The following STS variants were observed in gnomAD, a reference collection of about 807,000 sequenced individuals.
The protein encoded by STS is steroid sulfatase, also known as steryl-sulfatase.
A neutral mutation model predicts 26.8 loss-of-function variants in STS; 7 were observed. The observed-to-expected ratio is 0.26, with a 90% CI of 0.15 to 0.49. STS has a LOEUF of 0.49. STS is among the 20% of genes least tolerant of loss of function. The probability of loss-of-function intolerance (pLI) is 0.98; values close to 1 mark genes in which losing one functional copy is unlikely to be tolerated. For synonymous variants in STS, 199 were observed against 189.4 expected (o/e 1.05, Z -0.42); for missense variants, 434 against 465.6 (o/e 0.93, Z 0.63).
intron 2 of STS, among the ~76,000 whole-genome samples, chrX:7,231,588 G>A (rs1922061680): frequency 9.0e-6 from 1 of 111,183 alleles, no homozygotes; most frequent in African/African-American, 3.3e-5. Context: ...TAGCCCTCCT[G>A]TGCAAATAAC....
chrX:7,276,960 A>C (rs1320734254), intron 7 of STS, among the ~76,000 whole-genome samples: 1 of 112,056 alleles, frequency 8.9e-6, no homozygotes, highest in African/African-American at 3.2e-5. Context: ...TGCAGAGCTC[A>C]GAGATCCCAG....
intron 1 of STS, among the ~76,000 whole-genome samples, chrX:7,162,238 A>G (rs1182581429): frequency 8.9e-6 from 1 of 111,875 alleles, no homozygotes; most frequent in Non-Finnish European, 1.9e-5. Context: ...CCAGTGCCCC[A>G]GGGACACAGG....
At position 7,352,748 on chromosome X, in the gene STS, G is replaced by A. The variant is rs1280414532; in HGVS notation, c.*2487G>A. The A allele has an allele frequency of 9.0e-6, 1 of 110,590 alleles. No homozygotes were observed. The highest frequency in any genetic ancestry group is 1.9e-5 in the Non-Finnish European group (1 of 52,978). 9.1% of individuals were successfully genotyped at this position (110,590 alleles called of 1,213,427 possible). The stretch of plus-strand genomic sequence containing the variant: ...CTTTTAAAAAATTCTTGTATTTCTA[G>A]CATTACTAGATATTAAAAGTTAAGC... On this transcript the variant is annotated 3_prime_UTR_variant, in exon 11 of 11. Coordinates refer to ENST00000674429, the MANE Select transcript of STS (RefSeq NM_001320752.2).
intron 8 of STS, among the ~76,000 whole-genome samples, chrX:7,310,939 G>A (rs1423774587): frequency 9.0e-6 from 1 of 111,527 alleles, no homozygotes; most frequent in Non-Finnish European, 1.9e-5. Flanking sequence ...TCAAATGCAA[G>A]CTAGCCCAAG....
intron 2 of STS, among the ~76,000 whole-genome samples, chrX:7,248,602 G>A (rs752958335): frequency 2.7e-5 from 3 of 111,782 alleles, no homozygotes; most frequent in South Asian, 7.4e-4. Flanking sequence ...GTCAGAGAAA[G>A]GATTGCGTTA....
At chrX:7,341,953 G>A (rs891741991) in intron 10 of STS, among the ~76,000 whole-genome samples, 2 of 109,799 alleles carry the variant, frequency 1.8e-5, no homozygotes, top group African/African-American at 3.3e-5. Flanking sequence ...CTGGGATTAC[G>A]GGCGCCCACC....
At chrX:7,254,577 C>CTTTTTTTTTTTTTTTTTTTTTTTTTTT (rs34965003) in intron 3 of STS, among the ~76,000 whole-genome samples, 1 of 73,072 alleles carries the variant, frequency 1.4e-5, no homozygotes. Context: ...TTTTCTTCTT[C>CTTTTTTTTTTTTTTTTTTTTTTTTTTT]TTTTTTTTTT....
Position 7,245,126 on chromosome X carries a change from G to A in STS, c.-4-8070G>A, listed in dbSNP as rs548981322. Among the ~76,000 whole-genome samples the A allele has an allele frequency of 8.4e-4, 93 of 111,302 alleles. No homozygotes were observed. The South Asian group carries it at 8.7e-3, about 10-fold the overall frequency. On this transcript the variant is annotated intron_variant, in intron 2 of 10. Transcript: ENST00000674429. Reference sequence around the variant, plus strand: ...AGGAGGTTATTAAACTCACTCTTTTGCAAATTCCTGGTATTAGTTATGGAT... The same window carrying A: ...AGGAGGTTATTAAACTCACTCTTTTACAAATTCCTGGTATTAGTTATGGAT...
At chrX:7,183,987 A>G (rs187411098) in intron 1 of STS, among the ~76,000 whole-genome samples, 2 of 106,173 alleles carry the variant, frequency 1.9e-5, no homozygotes, top group East Asian at 5.9e-4. Flanking sequence ...GGGCAACAAG[A>G]GTGAAACTCC....
chrX:7,323,960 T>G (rs1046248026), intron 8 of STS, among the ~76,000 whole-genome samples: 24 of 111,556 alleles, frequency 2.2e-4, no homozygotes, highest in African/African-American at 6.8e-4. Flanking sequence ...GAAAGAACCC[T>G]GTCTACAAAA....
chrX:7,271,739 T>C (rs1369904340), intron 6 of STS, among the ~76,000 whole-genome samples: 2 of 108,547 alleles, frequency 1.8e-5, no homozygotes, highest in East Asian at 5.7e-4. Flanking sequence ...TTTTTAACTT[T>C]CTTGGCTGTG....
intron 2 of STS, among the ~76,000 whole-genome samples, chrX:7,252,814 C>T (rs1923203204): frequency 9.0e-6 from 1 of 111,565 alleles, no homozygotes; most frequent in South Asian, 3.8e-4. Flanking sequence ...GCTGTTGACC[C>T]CATACACTTT....
chrX:7,351,163 A>G lies in STS; in HGVS notation c.*902A>G, dbSNP rs1301251510. 4 of 112,116 alleles carry G rather than the reference A, an allele frequency of 3.6e-5. No individual in the cohort carries two copies. The highest frequency in any genetic ancestry group is 7.5e-5 in the Non-Finnish European group (4 of 53,231). 9.2% of individuals were successfully genotyped at this position (112,116 alleles called of 1,213,427 possible). On this transcript the variant is annotated 3_prime_UTR_variant, in exon 11 of 11. Coordinates refer to ENST00000674429, the MANE Select transcript of STS (RefSeq NM_001320752.2). The stretch of plus-strand genomic sequence containing the variant: ...AATGGAAGTTCTGAATTAAAAGCCC[A>G]CTGTGGAGATGCTGTGGTTCATGGA...
At chrX:7,203,575 C>T in intron 2 of STS, among the ~76,000 whole-genome samples, 1 of 111,463 alleles carries the variant, frequency 9.0e-6, no homozygotes, top group Non-Finnish European at 1.9e-5. Context: ...TTAAATTGTA[C>T]TTTGTAAACT....
intron 9 of STS, among the ~76,000 whole-genome samples, chrX:7,330,255 C>A (rs929263570): frequency 8.9e-6 from 1 of 111,907 alleles, no homozygotes; most frequent in Non-Finnish European, 1.9e-5. Flanking sequence ...CATGAAAATT[C>A]TTTCTGTGGG....
At chrX:7,281,969 C>T (rs1170359218) in intron 7 of STS, among the ~76,000 whole-genome samples, 1 of 112,089 alleles carries the variant, frequency 8.9e-6, no homozygotes, top group Non-Finnish European at 1.9e-5. Context: ...GGGAAAACTT[C>T]CCCTTCACCC....
chrX:7,167,381 A>G (rs1933373175), intron 1 of STS, among the ~76,000 whole-genome samples: 1 of 109,576 alleles, frequency 9.1e-6, no homozygotes, highest in Non-Finnish European at 1.9e-5. Flanking sequence ...ACGCCCAGCT[A>G]ATTTTTGTAT....
chrX:7,285,045 T>C (rs762021067), intron 7 of STS, among the ~76,000 whole-genome samples: 98 of 110,686 alleles, frequency 8.9e-4, no homozygotes, highest in African/African-American at 3.1e-3. Flanking sequence ...GTGGTAATTA[T>C]GATGATAGTG....
intron 8 of STS, among the ~76,000 whole-genome samples, chrX:7,312,587 G>T (rs1161116057): frequency 9.0e-6 from 1 of 110,912 alleles, no homozygotes; most frequent in South Asian, 3.9e-4. Flanking sequence ...TCATGGGGGC[G>T]GGTCTTTCCT....
Sources: allele counts gnomAD v4.1 joint callset (sites outside exome capture counted in the v4.1 genomes callset), GRCh38; gene constraint gnomAD v4.1.1; transcripts MANE v1.5; gene names NCBI Gene and HGNC (gene_info 2026-07-23, HGNC 2026-07-21).